The following LRRC8C variants were observed in gnomAD, a reference collection of about 807,000 sequenced individuals.
LRRC8C encodes volume-regulated anion channel subunit LRRC8C.
In LRRC8C, 20 loss-of-function variants were observed where a neutral mutation model predicts 55.3. That is an observed-to-expected ratio of 0.36 (90% CI 0.25 to 0.53). The LOEUF is 0.53. LRRC8C is among the 20% of genes least tolerant of loss of function. The probability of loss-of-function intolerance (pLI) is 0.92; values close to 1 mark genes in which losing one functional copy is unlikely to be tolerated. For synonymous variants in LRRC8C, 376 were observed against 360.7 expected (o/e 1.04, Z -0.48); for missense variants, 659 against 951.4 (o/e 0.69, Z 4.04).
intron 1 of LRRC8C, among the ~76,000 whole-genome samples, chr1:89,669,375 C>A (rs1160296440): frequency 6.6e-6 from 1 of 151,988 alleles, no homozygotes; most frequent in Non-Finnish European, 1.5e-5. Flanking sequence ...AACATTGTAC[C>A]TATAGTTACC....
intron 1 of LRRC8C, among the ~76,000 whole-genome samples, chr1:89,637,054 T>G (rs6702542): frequency 1.3e-5 from 2 of 152,130 alleles, no homozygotes; most frequent in African/African-American, 4.8e-5. Context: ...TGAGACTTGT[T>G]CAACCGAGGC....
At chr1:89,639,410 T>C (rs1656392249) in intron 1 of LRRC8C, among the ~76,000 whole-genome samples, 1 of 152,212 alleles carries the variant, frequency 6.6e-6, no homozygotes, top group Non-Finnish European at 1.5e-5. Flanking sequence ...AGTGCCTTGC[T>C]TGGGTTCTTT....
chr1:89,713,297 G>GAGAAGGTGA lies in LRRC8C; in HGVS notation c.733_741dup (p.Val245_Lys247dup). 2 of 1,614,244 alleles carry GAGAAGGTGA rather than the reference G, an allele frequency of 1.2e-6. No individual in the cohort carries two copies. The highest frequency in any genetic ancestry group is 1.7e-6 in the Non-Finnish European group (2 of 1,180,030). On this transcript the variant is annotated inframe_insertion, in exon 3 of 3. Transcript: ENST00000370454. The surrounding 1 kb of genome is among the most constrained non-coding windows in gnomAD (Gnocchi z 5.2). ...AGGTGAGCAGGCTAAGGCCTTATTT[G>GAGAAGGTGA]AGAAGGTGAAGAAGTTCAGGCTGCA...
intron 1 of LRRC8C, among the ~76,000 whole-genome samples, chr1:89,656,840 T>A (rs531212356): frequency 1.3e-5 from 2 of 152,190 alleles, no homozygotes; most frequent in Non-Finnish European, 2.9e-5. Context: ...ATTCAAAGTT[T>A]ATTAAACAAT....
At chr1:89,626,057 A>G in the LRRC8C span, among the ~76,000 whole-genome samples, 1 of 152,352 alleles carries the variant, frequency 6.6e-6, no homozygotes, top group East Asian at 1.9e-4. Context: ...TCATGGGTAC[A>G]GCCAGTCATT....
chr1:89,619,537 AT>A, the LRRC8C span, among the ~76,000 whole-genome samples: 23 of 150,708 alleles, frequency 1.5e-4, no homozygotes, highest in South Asian at 1.0e-3. Flanking sequence ...ATAAGTATTC[AT>A]TATGTTCACT....
At chr1:89,677,066 C>T (rs1255820559) in intron 1 of LRRC8C, among the ~76,000 whole-genome samples, 1 of 152,154 alleles carries the variant, frequency 6.6e-6, no homozygotes, top group East Asian at 1.9e-4. Flanking sequence ...AAATGTACAG[C>T]CTGAAGCACA....
At chr1:89,653,117 T>C (rs1656835297) in intron 1 of LRRC8C, among the ~76,000 whole-genome samples, 2 of 152,108 alleles carry the variant, frequency 1.3e-5, no homozygotes, top group African/African-American at 4.8e-5. Flanking sequence ...CTGACTTGCG[T>C]TTTCAAAGGA....
At position 89,713,837 on chromosome 1, in the gene LRRC8C, C is replaced by G; in HGVS notation, c.1267C>G (p.His423Asp). 1 of 1,614,160 alleles carries G rather than the reference C, an allele frequency of 6.2e-7. No individual in the cohort carries two copies. Residue 423 changes from histidine to aspartate, a missense_variant, in exon 3 of 3, where the codon CAT (histidine) becomes GAT (aspartate). His to Asp is a moderately conservative substitution (Grantham distance 81). This residue lies in a region of LRRC8C where 344 missense variants were observed against 464.6 expected (regional missense o/e 0.74). Coordinates refer to ENST00000370454, the MANE Select transcript of LRRC8C (RefSeq NM_032270.5). The surrounding 1 kb of genome is among the most constrained non-coding windows in gnomAD (Gnocchi z 5.2). ...KLRQKLQTNA[H>D]NRLELPLIML... is the part of the protein sequence containing the mutation. ...GAGGCAGAAGCTACAGACAAATGCCCATAATCGACTGGAATTGCCTCTTAT... is the reference window on the plus strand; with the variant it reads ...GAGGCAGAAGCTACAGACAAATGCCGATAATCGACTGGAATTGCCTCTTAT...
At chr1:89,687,794 A>G (rs561119234) in intron 2 of LRRC8C, among the ~76,000 whole-genome samples, 6 of 152,238 alleles carry the variant, frequency 3.9e-5, no homozygotes, top group Non-Finnish European at 8.8e-5. Flanking sequence ...TCAACGTATT[A>G]TAGAAGCTAT....
Position 89,656,613 on chromosome 1 carries a change from G to A in LRRC8C, c.-5+23291G>A, listed in dbSNP as rs1009287457. The stretch of plus-strand genomic sequence containing the variant: ...TCTATATATCCATGCAACAAGCATA[G>A]GTAACACATGGAGTTACAGATAATT... On this transcript the variant is annotated intron_variant, in intron 1 of 2. Transcript: ENST00000370454. Among the ~76,000 whole-genome samples the A allele has an allele frequency of 3.9e-5, 6 of 152,270 alleles. No homozygotes were observed. The South Asian group carries it at 6.2e-4, about 16-fold the overall frequency.
chr1:89,635,149 A>G (rs1360901627), intron 1 of LRRC8C, among the ~76,000 whole-genome samples: 1 of 152,198 alleles, frequency 6.6e-6, no homozygotes, highest in Non-Finnish European at 1.5e-5. Flanking sequence ...AAAATGTTGC[A>G]CTTTATTTCC....
intron 1 of LRRC8C, among the ~76,000 whole-genome samples, chr1:89,643,461 G>A (rs946080284): frequency 6.6e-6 from 1 of 152,208 alleles, no homozygotes; most frequent in African/African-American, 2.4e-5. Context: ...GTATAGTAAT[G>A]ACTACCATTC....
chr1:89,625,605 T>C, the LRRC8C span, among the ~76,000 whole-genome samples: 4 of 152,120 alleles, frequency 2.6e-5, no homozygotes, highest in Non-Finnish European at 1.5e-5. Flanking sequence ...GGACAGAGCA[T>C]GTGCGCATGG....
the LRRC8C span, among the ~76,000 whole-genome samples, chr1:89,621,308 A>C: frequency 7.3e-5 from 11 of 151,232 alleles, no homozygotes; most frequent in Non-Finnish European, 1.6e-4. Context: ...AAAAAAAAAA[A>C]AAAAAAAAAA....
intron 1 of LRRC8C, among the ~76,000 whole-genome samples, chr1:89,680,077 CTTT>C (rs534159163): frequency 7.0e-6 from 1 of 142,918 alleles, no homozygotes. Flanking sequence ...TACCAATATT[CTTT>C]TTTTTTTTTT....
At chr1:89,673,876 C>T (rs1340645977) in intron 1 of LRRC8C, among the ~76,000 whole-genome samples, 24 of 152,154 alleles carry the variant, frequency 1.6e-4, no homozygotes, top group Non-Finnish European at 7.3e-5. Context: ...CTGGATGTGA[C>T]GGAGTCAGAG....
chr1:89,650,123 A>G (rs1199353668), intron 1 of LRRC8C, among the ~76,000 whole-genome samples: 3 of 152,226 alleles, frequency 2.0e-5, no homozygotes, highest in Non-Finnish European at 4.4e-5. Flanking sequence ...ATAGGATACA[A>G]TTTTAACTGT....
chr1:89,644,618 A>G (rs1656563078), intron 1 of LRRC8C, among the ~76,000 whole-genome samples: 1 of 152,226 alleles, frequency 6.6e-6, no homozygotes, highest in South Asian at 2.1e-4. Context: ...CTCATACCTG[A>G]CACTGCAGTT....
Sources: gnomAD v4.1 joint callset for allele counts (sites outside exome capture counted in the v4.1 genomes callset) on GRCh38, gnomAD v4.1.1 for gene constraint, gnomAD v4.1.1 regional missense constraint, Gnocchi (gnomAD v3.1) non-coding constraint, MANE v1.5 for transcripts, NCBI Gene and HGNC (gene_info 2026-07-23, HGNC 2026-07-21) for gene names.